The following PACRG variants were observed in gnomAD, a reference collection of about 807,000 sequenced individuals.
PACRG encodes parkin coregulated.
A neutral mutation model predicts 29.7 loss-of-function variants in PACRG; 29 were observed. The observed-to-expected ratio is 0.98, with a 90% CI of 0.73 to 1.33. PACRG has a LOEUF of 1.33. Among genes scored for constraint, PACRG ranks in the 40% most tolerant of loss-of-function variants. PACRG has a pLI of 0.00. For synonymous variants in PACRG, 116 were observed against 118.7 expected, an observed-to-expected ratio of 0.98 and a Z score of 0.15; for missense variants, 279 against 316.2, an observed-to-expected ratio of 0.88 and a Z score of 0.89.
chr6:163,161,580 C>T (rs180708476), intron 4 of PACRG, among the ~76,000 whole-genome samples: 37 of 152,178 alleles, frequency 2.4e-4, no homozygotes, highest in Non-Finnish European at 3.5e-4. Flanking sequence ...TGTACACGTG[C>T]GTATATTTTG....
intron 4 of PACRG, among the ~76,000 whole-genome samples, chr6:163,272,892 C>CCTTTTTTTTTT: frequency 9.1e-6 from 1 of 109,480 alleles, no homozygotes; most frequent in East Asian, 2.6e-4. Flanking sequence ...ATGCATCATT[C>CCTTTTTTTTTT]TTTTTTTTTT....
chr6:163,108,885 A>T (rs939513423), intron 4 of PACRG, among the ~76,000 whole-genome samples: 2 of 152,228 alleles, frequency 1.3e-5, no homozygotes, highest in African/African-American at 4.8e-5. Flanking sequence ...ATCAAAATCA[A>T]TACATCAAAG....
At chr6:163,028,276 C>CT (rs1328879461) in intron 2 of PACRG, among the ~76,000 whole-genome samples, 4 of 152,178 alleles carry the variant, frequency 2.6e-5, no homozygotes, top group East Asian at 3.8e-4. Flanking sequence ...CTGTGCCTGT[C>CT]TTTTTTTCTG....
chr6:163,221,351 G>A (rs538373432), intron 4 of PACRG, among the ~76,000 whole-genome samples: 23 of 152,184 alleles, frequency 1.5e-4, no homozygotes, highest in Non-Finnish European at 2.6e-4. Flanking sequence ...CTTCTCTTCC[G>A]TGCGGGCAAA....
intron 2 of PACRG, chr6:163,060,798 G>A (rs1739447959): frequency 6.6e-6 from 1 of 152,162 alleles, no homozygotes. Flanking sequence ...CTCACATCCA[G>A]GGGTAGGCAG....
At chr6:163,146,720 C>T (rs760136297) in intron 4 of PACRG, among the ~76,000 whole-genome samples, 6 of 152,206 alleles carry the variant, frequency 3.9e-5, no homozygotes, top group Non-Finnish European at 7.3e-5. Flanking sequence ...GATCTAATAA[C>T]ATCTTTTAAG....
At chr6:163,238,787 C>T (rs1782348151) in intron 4 of PACRG, among the ~76,000 whole-genome samples, 1 of 152,180 alleles carries the variant, frequency 6.6e-6, no homozygotes, top group Non-Finnish European at 1.5e-5. Flanking sequence ...GTTTAGACTT[C>T]CCAGAATATT....
At chr6:163,246,640 G>A (rs1254998153) in intron 4 of PACRG, among the ~76,000 whole-genome samples, 1 of 152,312 alleles carries the variant, frequency 6.6e-6, no homozygotes, top group African/African-American at 2.4e-5. Context: ...AGGGTGCTCA[G>A]TAAGCATTTC....
chr6:163,149,372 T>G (rs1246132188), intron 4 of PACRG, among the ~76,000 whole-genome samples: 1 of 151,994 alleles, frequency 6.6e-6, no homozygotes, highest in African/African-American at 2.4e-5. Flanking sequence ...CGCTCAAGTC[T>G]CCACCCGGTA....
At chr6:163,095,295 C>T (rs1305404979) in intron 4 of PACRG, 1 of 985,230 alleles carries the variant, frequency 1.0e-6, no homozygotes, top group Non-Finnish European at 1.2e-6. Flanking sequence ...GGGTCAGTCA[C>T]AAACTGTAAA....
At chr6:163,172,621 G>C (rs79748474) in intron 4 of PACRG, among the ~76,000 whole-genome samples, 1 of 152,180 alleles carries the variant, frequency 6.6e-6, no homozygotes, top group Non-Finnish European at 1.5e-5. Context: ...TTGACTTCTG[G>C]TGGATCCTGA....
intron 4 of PACRG, among the ~76,000 whole-genome samples, chr6:163,293,286 A>G (rs1024793315): frequency 1.3e-5 from 2 of 152,202 alleles, no homozygotes; most frequent in African/African-American, 4.8e-5. Context: ...ATGCACATGT[A>G]TATGTGCACG....
chr6:163,123,252 G>T (rs939100989), intron 4 of PACRG, among the ~76,000 whole-genome samples: 1 of 152,160 alleles, frequency 6.6e-6, no homozygotes, highest in Admixed American at 6.5e-5. Flanking sequence ...ATGCAAATGC[G>T]GGTCGGCATG....
chr6:162,899,029 A>G (rs1795363539), intron 2 of PACRG, among the ~76,000 whole-genome samples: 2 of 152,226 alleles, frequency 1.3e-5, no homozygotes, highest in African/African-American at 2.4e-5. Context: ...AAATATAAAT[A>G]CCTGTTTAAT....
chr6:162,785,199 AGAGG>A (rs1200300765), intron 1 of PACRG, among the ~76,000 whole-genome samples: 19 of 146,038 alleles, frequency 1.3e-4, no homozygotes, highest in South Asian at 4.3e-4. Flanking sequence ...AGAGAGAGAG[AGAGG>A]GAGAGAAAGG....
chr6:163,203,903 G>T (rs781588015), intron 4 of PACRG, among the ~76,000 whole-genome samples: 1 of 152,112 alleles, frequency 6.6e-6, no homozygotes, highest in African/African-American at 2.4e-5. Context: ...ATCATATTGG[G>T]GTATAGTTGT....
chr6:162,910,250 G>T (rs1180584080), intron 2 of PACRG, among the ~76,000 whole-genome samples: 1 of 152,138 alleles, frequency 6.6e-6, no homozygotes, highest in Admixed American at 6.5e-5. Flanking sequence ...GGTCACACGG[G>T]TTCTAAAATG....
chr6:162,972,783 C>T (rs73023159), intron 2 of PACRG, among the ~76,000 whole-genome samples: 10,510 of 152,206 alleles, frequency 0.069, 493 homozygotes, highest in Admixed American at 0.098. Flanking sequence ...ATTGTCTGCT[C>T]TACGTCTTCC....
chr6:162,977,514 A>T (rs1447950584), intron 2 of PACRG, among the ~76,000 whole-genome samples: 3 of 151,936 alleles, frequency 2.0e-5, no homozygotes, highest in Non-Finnish European at 4.4e-5. Flanking sequence ...AATATTCGCC[A>T]CCCTGAGCCC....
Sources: gnomAD v4.1 joint callset for allele counts (sites outside exome capture counted in the v4.1 genomes callset) on GRCh38, gnomAD v4.1.1 for gene constraint, MANE v1.5 for transcripts, NCBI Gene and HGNC (gene_info 2026-07-23, HGNC 2026-07-21) for gene names.